The following BAZ1A variants were observed in gnomAD, a reference collection of about 807,000 sequenced individuals.
BAZ1A encodes bromodomain adjacent to zinc finger domain protein 1A.
A neutral mutation model predicts 185.2 loss-of-function variants in BAZ1A; 50 were observed. The ratio of observed to expected loss-of-function variants is 0.27; its 90% CI spans 0.22 to 0.34. BAZ1A has a LOEUF of 0.34. Among genes scored for constraint, BAZ1A ranks in the 10% least tolerant of loss-of-function variants. The probability of loss-of-function intolerance (pLI) is 1.00; values close to 1 mark genes in which losing one functional copy is unlikely to be tolerated. For synonymous variants in BAZ1A, 571 were observed against 615.6 expected (o/e 0.93, Z 1.07); for missense variants, 1,356 against 1,839.9 (o/e 0.74, Z 4.81).
intron 16 of BAZ1A, 143 bp from the exon 17 acceptor site, chr14:34,780,453 A>G (rs1374140097): frequency 1.4e-6 from 1 of 726,746 alleles, no homozygotes; most frequent in African/African-American, 1.8e-5. Flanking sequence ...CTTGCAGAGA[A>G]AACAGATAAT....
Position 34,833,884 on chromosome 14 carries a change from T to TA in BAZ1A, c.393-7729dup, listed in dbSNP as rs59279643. 3.1e-3 allele frequency among the ~76,000 whole-genome samples: 475 copies of TA among 151,806 alleles called. 1 individual carries two copies. The highest frequency in any genetic ancestry group is 9.4e-3 in the African/African-American group (388 of 41,400). Reference sequence around the variant, plus strand: ...AAATTTTATGTTTATTTTACTAAAATAAAAAAAACAACTTTTTTTATTCTA... The same window carrying TA: ...AAATTTTATGTTTATTTTACTAAAATAAAAAAAAACAACTTTTTTTATTCTA... On this transcript the variant is annotated intron_variant, in intron 3 of 26. Coordinates refer to ENST00000360310, the MANE Select transcript of BAZ1A (RefSeq NM_013448.3).
Position 34,845,846 on chromosome 14 carries a change from C to T in BAZ1A, c.392+16198G>A, listed in dbSNP as rs538974076. On this transcript the variant is annotated intron_variant, in intron 3 of 26. Transcript: ENST00000360310. Reference sequence around the variant, plus strand: ...ACTGCACTACAGCCTGGCGACAGAGCAAGACTCTGTCTCAAAAAAAAAAAA... The same window carrying T: ...ACTGCACTACAGCCTGGCGACAGAGTAAGACTCTGTCTCAAAAAAAAAAAA... Among the ~76,000 whole-genome samples, 10 of 127,084 alleles carry T rather than the reference C, an allele frequency of 7.9e-5. No homozygotes were observed. In the East Asian group the frequency reaches 2.3e-3, roughly 29 times the overall value. 83.4% of individuals were successfully genotyped at this position (127,084 alleles called of 152,430 possible). A position where few individuals can be genotyped will look rare whatever the true frequency, so the allele number is the denominator to read the frequency against.
At chr14:34,795,874 C>T (rs751787791) in intron 9 of BAZ1A, 109 bp from the exon 10 acceptor site, 2 of 729,706 alleles carry the variant, frequency 2.7e-6, no homozygotes, top group Non-Finnish European at 4.4e-6. Context: ...TTACCCCATA[C>T]CTACTGAAGC....
chr14:34,755,273 T>G (rs1886191960), intron 25 of BAZ1A, among the ~76,000 whole-genome samples: 1 of 152,180 alleles, frequency 6.6e-6, no homozygotes, highest in Non-Finnish European at 1.5e-5. Context: ...AAACTAAGAT[T>G]TAATTTTTTT....
chr14:34,759,184 T>TTGTTTTGTTTTG (rs1555336967), intron 24 of BAZ1A, among the ~76,000 whole-genome samples: 48 of 108,108 alleles, frequency 4.4e-4, no homozygotes, highest in South Asian at 1.5e-3. Flanking sequence ...TTTTTTTTTT[T>TTGTTTTGTTTTG]TTTTTTTTTT....
chr14:34,817,011 A>G (rs963673184), intron 4 of BAZ1A, among the ~76,000 whole-genome samples: 28 of 152,294 alleles, frequency 1.8e-4, no homozygotes, highest in Middle Eastern at 6.8e-3. Context: ...GCAAACATTA[A>G]GAGTAAAAAA....
At chr14:34,815,658 T>A (rs764956633) in intron 4 of BAZ1A, among the ~76,000 whole-genome samples, 3 of 152,240 alleles carry the variant, frequency 2.0e-5, no homozygotes, top group Non-Finnish European at 4.4e-5. Flanking sequence ...GATTTTACCA[T>A]AATGGGAGTT....
At position 34,764,896 on chromosome 14, in the gene BAZ1A, C is replaced by T. The variant is rs1878728845; in HGVS notation, c.3587G>A (p.Arg1196Gln). 6.2e-7 allele frequency: 1 copy of T among 1,613,984 alleles called. No individual in the cohort carries two copies. The highest frequency in any genetic ancestry group is 8.5e-7 in the Non-Finnish European group (1 of 1,180,014). ...PEGDWFCPEC[R>Q]PKQRSRRLSS... ...GAGTCTTCTAGAACGTTGCTTTGGTCGACATTCTGGACAAAACCAGTCTCC... is the reference window on the plus strand; with the variant it reads ...GAGTCTTCTAGAACGTTGCTTTGGTTGACATTCTGGACAAAACCAGTCTCC... Residue 1196 changes from arginine to glutamine, a missense_variant, in exon 23 of 27, where the codon CGA (arginine) becomes CAA (glutamine). Transcript: ENST00000360310.
chr14:34,866,608 CTCT>C (rs1333660546), intron 2 of BAZ1A, among the ~76,000 whole-genome samples: 1 of 151,310 alleles, frequency 6.6e-6, no homozygotes, highest in Non-Finnish European at 1.5e-5. Flanking sequence ...TACTTTTTTC[CTCT>C]TTTTTAAAAT....
chr14:34,822,507 T>C (rs1248694702), intron 4 of BAZ1A, among the ~76,000 whole-genome samples: 1 of 151,940 alleles, frequency 6.6e-6, no homozygotes, highest in Non-Finnish European at 1.5e-5. Flanking sequence ...GCACCTGTAG[T>C]CCCAGTTACT....
At chr14:34,861,988 G>A in intron 3 of BAZ1A, 56 bp downstream of exon 3, 1 of 1,559,850 alleles carries the variant, frequency 6.4e-7, no homozygotes, top group South Asian at 1.2e-5. Flanking sequence ...GTGTGTTTTG[G>A]ATTTTGAGCA....
At chr14:34,804,317 T>C (rs1881738107) in intron 6 of BAZ1A, among the ~76,000 whole-genome samples, 1 of 152,182 alleles carries the variant, frequency 6.6e-6, no homozygotes, top group South Asian at 2.1e-4. Context: ...CTTGCTTACC[T>C]TTTATCCATG....
At chr14:34,765,800 C>T (rs1878801101) in intron 21 of BAZ1A, among the ~76,000 whole-genome samples, 1 of 152,174 alleles carries the variant, frequency 6.6e-6, no homozygotes, top group Admixed American at 6.5e-5. Flanking sequence ...TGTCACTTAA[C>T]ATCACCATTC....
At position 34,848,426 on chromosome 14, in the gene BAZ1A, T is replaced by G. The variant is rs192290738; in HGVS notation, c.392+13618A>C. Among the ~76,000 whole-genome samples the G allele has an allele frequency of 6.1e-3, 931 of 152,036 alleles. 15 individuals carry two copies. The highest frequency in any genetic ancestry group is 0.022 in the African/African-American group (900 of 41,462). On this transcript the variant is annotated intron_variant, in intron 3 of 26. Transcript: ENST00000360310. Reference sequence around the variant, plus strand: ...TTCGAGACCAGCCTGACCAACATGGTGAAACCTCGTCTCTACTAATACAAA... The same window carrying G: ...TTCGAGACCAGCCTGACCAACATGGGGAAACCTCGTCTCTACTAATACAAA...
intron 20 of BAZ1A, among the ~76,000 whole-genome samples, chr14:34,771,954 G>A (rs1418750331): frequency 6.6e-6 from 1 of 150,500 alleles, no homozygotes; most frequent in Non-Finnish European, 1.5e-5. Flanking sequence ...CTCTTGTTTT[G>A]CCCTTTTTTT....
At chr14:34,840,516 T>G (rs1014580046) in intron 3 of BAZ1A, among the ~76,000 whole-genome samples, 2 of 152,170 alleles carry the variant, frequency 1.3e-5, no homozygotes, top group Non-Finnish European at 2.9e-5. Context: ...CCCAGCACTT[T>G]AGGAGGCCGA....
intron 24 of BAZ1A, among the ~76,000 whole-genome samples, chr14:34,759,579 T>C (rs1047844226): frequency 6.6e-6 from 1 of 152,142 alleles, no homozygotes; most frequent in African/African-American, 2.4e-5. Context: ...CCTCCTCAGA[T>C]CTAGAAACTA....
Position 34,865,136 on chromosome 14 carries a change from T to C in BAZ1A, c.114-2814A>G, listed in dbSNP as rs552314379. Among the ~76,000 whole-genome samples, 31 of 152,222 alleles carry C rather than the reference T, an allele frequency of 2.0e-4. No individual in the cohort carries two copies. In the South Asian group the frequency reaches 6.4e-3, roughly 32 times the overall value. The stretch of plus-strand genomic sequence containing the variant: ...GGTAGCATGAGCCTGTAATTCGAGC[T>C]ACTCCGGAGGCCGAGGCAGGAGAAT... On this transcript the variant is annotated intron_variant, in intron 2 of 26. Coordinates refer to ENST00000360310, the MANE Select transcript of BAZ1A (RefSeq NM_013448.3).
chr14:34,856,769 A>C (rs935240570), intron 3 of BAZ1A, among the ~76,000 whole-genome samples: 3 of 150,118 alleles, frequency 2.0e-5, no homozygotes, highest in African/African-American at 4.9e-5. Context: ...GAGGCAGGAG[A>C]ATCGCCTGAA....
Sources: allele counts gnomAD v4.1 joint callset (sites outside exome capture counted in the v4.1 genomes callset), GRCh38; gene constraint gnomAD v4.1.1; transcripts MANE v1.5; gene names NCBI Gene and HGNC (gene_info 2026-07-23, HGNC 2026-07-21).